The following TPD52L1 variants were observed in gnomAD, a reference collection of about 807,000 sequenced individuals.
The protein encoded by TPD52L1 is TPD52 like 1.
TPD52L1 carries 18 observed loss-of-function variants against 28.7 expected under a neutral mutation model. The observed-to-expected ratio is 0.63, with a 90% CI of 0.43 to 0.93. TPD52L1 has a LOEUF of 0.93. Among genes scored for constraint, TPD52L1 ranks in the 40% least tolerant of loss-of-function variants. The pLI is 0.00. For synonymous variants in TPD52L1, 75 were observed against 88.8 expected (o/e 0.84, Z 0.88); for missense variants, 203 against 254.8 (o/e 0.80, Z 1.39).
In TPD52L1 at chr6:125,195,492, A is replaced by G. The variant is rs1350629535; in HGVS notation, c.20-24586A>G. 2.6e-5 allele frequency among the ~76,000 whole-genome samples: 4 copies of G among 152,318 alleles called. No individual in the cohort carries two copies. The East Asian group carries it at 7.7e-4, about 29-fold the overall frequency. On this transcript the variant is annotated intron_variant, in intron 1 of 6. Transcript: ENST00000534000. ...CTTCTGCATTTTGTGTCACCCATCC[A>G]TGAGAGAAAGGTTTTATATAAAATG...
chr6:125,229,649 T>C (rs1361681368), intron 3 of TPD52L1, among the ~76,000 whole-genome samples: 1 of 152,218 alleles, frequency 6.6e-6, no homozygotes, highest in African/African-American at 2.4e-5. Context: ...ACACTCACTA[T>C]GTATGTCTTC....
At position 125,169,376 on chromosome 6, in the gene TPD52L1, G is replaced by A. The variant is rs115375604; in HGVS notation, c.19+15406G>A. 4.8e-3 allele frequency among the ~76,000 whole-genome samples: 735 copies of A among 152,174 alleles called. 4 individuals carry two copies. Among genetic ancestry groups the A allele is most frequent in the African/African-American group, 0.017 (692 of 41,500 alleles). ...GCCTGGACCTCACTTCTCAACTTCAGACTGCCTACATGATACGTCTGCATG... is the reference window on the plus strand; with the variant it reads ...GCCTGGACCTCACTTCTCAACTTCAAACTGCCTACATGATACGTCTGCATG... On this transcript the variant is annotated intron_variant, in intron 1 of 6. Coordinates refer to ENST00000534000, the MANE Select transcript of TPD52L1 (RefSeq NM_003287.4).
At chr6:125,218,055 T>A (rs1243380935) in intron 1 of TPD52L1, among the ~76,000 whole-genome samples, 1 of 152,224 alleles carries the variant, frequency 6.6e-6, no homozygotes, top group Non-Finnish European at 1.5e-5. Flanking sequence ...TGGCGTCTGA[T>A]GTGCATGTAT....
intron 1 of TPD52L1, among the ~76,000 whole-genome samples, chr6:125,180,205 C>T (rs1037137802): frequency 6.6e-6 from 1 of 152,164 alleles, no homozygotes; most frequent in Non-Finnish European, 1.5e-5. Flanking sequence ...AAAACTGCTG[C>T]ACAGCCCTTG....
intron 1 of TPD52L1, among the ~76,000 whole-genome samples, chr6:125,190,608 C>T (rs1255957860): frequency 6.6e-6 from 1 of 152,048 alleles, no homozygotes; most frequent in Non-Finnish European, 1.5e-5. Flanking sequence ...ATGCCACTTA[C>T]CCTAATGTAG....
rs1798203223 is a variant in TPD52L1 at position 125,264,196 on chromosome 6, TTTG to T, written c.*1237_*1239del. ...TTCTTTTTCTAAATGGGAACATATA[TTTG>T]TTATTAGGTGGCAGAGATATAGCCT... On this transcript the variant is annotated 3_prime_UTR_variant, in exon 7 of 7. Transcript: ENST00000534000. The T allele has an allele frequency of 6.6e-6, 1 of 152,222 alleles. No individual in the cohort carries two copies. The allele number at this position is 152,222 out of a possible 1,614,324, so 9.4% of individuals were successfully genotyped here. A position where few individuals can be genotyped will look rare whatever the true frequency, so the allele number is the denominator to read the frequency against.
chr6:125,253,671 C>G (rs755089003), intron 4 of TPD52L1, 46 bp from the exon 5 acceptor site: 7 of 1,574,102 alleles, frequency 4.4e-6, no homozygotes, highest in African/African-American at 2.7e-5. Flanking sequence ...TATGTGTGCT[C>G]TCTTCTTTTT....
At chr6:125,232,899 C>T (rs1327771557) in intron 3 of TPD52L1, among the ~76,000 whole-genome samples, 1 of 152,092 alleles carries the variant, frequency 6.6e-6, no homozygotes, top group Non-Finnish European at 1.5e-5. Context: ...AAAAAGTCCT[C>T]TCCATTTTTT....
intron 1 of TPD52L1, among the ~76,000 whole-genome samples, chr6:125,174,328 G>A (rs2114797122): frequency 6.6e-6 from 1 of 152,306 alleles, no homozygotes; most frequent in South Asian, 2.1e-4. Flanking sequence ...TAGGTGTCAA[G>A]TAACTATTTT....
chr6:125,162,434 T>G (rs1790583698), intron 1 of TPD52L1, among the ~76,000 whole-genome samples: 1 of 152,208 alleles, frequency 6.6e-6, no homozygotes, highest in Admixed American at 6.5e-5. Context: ...TTGTGGCCTA[T>G]AAGAAGATGT....
At chr6:125,231,860 G>A (rs1795973061) in intron 3 of TPD52L1, among the ~76,000 whole-genome samples, 1 of 152,126 alleles carries the variant, frequency 6.6e-6, no homozygotes, top group African/African-American at 2.4e-5. Context: ...TTCATGAAGT[G>A]AGATCATCTT....
chr6:125,175,977 G>C (rs1456080103), intron 1 of TPD52L1, among the ~76,000 whole-genome samples: 1 of 152,108 alleles, frequency 6.6e-6, no homozygotes, highest in Non-Finnish European at 1.5e-5. Context: ...GTCTTGATTT[G>C]GAGGTTCCAA....
Position 125,243,111 on chromosome 6 carries a change from T to C in TPD52L1, c.285-5171T>C, listed in dbSNP as rs577080530. On this transcript the variant is annotated intron_variant, in intron 3 of 6. Coordinates refer to ENST00000534000, the MANE Select transcript of TPD52L1 (RefSeq NM_003287.4). ...CTAATTGTCTGCCAATTATTTTGTTTAAGGAGGCTAATGATGGGACCCTAA... is the reference window on the plus strand; with the variant it reads ...CTAATTGTCTGCCAATTATTTTGTTCAAGGAGGCTAATGATGGGACCCTAA... 2.6e-5 allele frequency among the ~76,000 whole-genome samples: 4 copies of C among 152,296 alleles called. 1 individual carries two copies. The highest frequency in any genetic ancestry group is 2.6e-4 in the Admixed American group (4 of 15,294).
chr6:125,164,308 C>A (rs776616933), intron 1 of TPD52L1, among the ~76,000 whole-genome samples: 2 of 152,080 alleles, frequency 1.3e-5, no homozygotes, highest in African/African-American at 2.4e-5. Context: ...GTAAGCCTTG[C>A]GACATGTCAA....
chr6:125,179,042 C>T (rs1021688898), intron 1 of TPD52L1, among the ~76,000 whole-genome samples: 7 of 152,190 alleles, frequency 4.6e-5, no homozygotes, highest in African/African-American at 1.7e-4. Context: ...ACAGACTTCC[C>T]ACCCAAGTGG....
chr6:125,169,226 C>T (rs1791120125), intron 1 of TPD52L1, among the ~76,000 whole-genome samples: 1 of 152,198 alleles, frequency 6.6e-6, no homozygotes, highest in Non-Finnish European at 1.5e-5. Context: ...TAGCTGCTGG[C>T]CTGCCCCAAG....
In TPD52L1 at chr6:125,154,002, G is replaced by A. The variant is rs185936051; in HGVS notation, c.19+32G>A. 8.4e-4 allele frequency: 1,338 copies of A among 1,595,744 alleles called. 16 individuals carry two copies. In the African/African-American group the frequency reaches 0.015, roughly 18 times the overall value. On this transcript the variant is annotated intron_variant, in intron 1 of 6. Transcript: ENST00000534000. The stretch of plus-strand genomic sequence containing the variant: ...GGTCGCCGATCGCCCCGAGAGTCAG[G>A]TCCTGGGGCGCGCATAAAGGCTCTT...
intron 3 of TPD52L1, among the ~76,000 whole-genome samples, chr6:125,247,766 TA>T (rs768537973): frequency 1.3e-5 from 2 of 152,248 alleles, no homozygotes; most frequent in Non-Finnish European, 2.9e-5. Context: ...TATCTTCAGA[TA>T]ATGTGCTTTT....
intron 5 of TPD52L1, among the ~76,000 whole-genome samples, chr6:125,254,315 C>T (rs533327453): frequency 9.9e-5 from 15 of 152,270 alleles, no homozygotes; most frequent in African/African-American, 3.6e-4. Context: ...TTCAAGTTTG[C>T]ATGGCATAGT....
Sources: allele counts gnomAD v4.1 joint callset (sites outside exome capture counted in the v4.1 genomes callset), GRCh38; gene constraint gnomAD v4.1.1; transcripts MANE v1.5; gene names NCBI Gene and HGNC (gene_info 2026-07-23, HGNC 2026-07-21).